The following H2BC4 variants were observed in gnomAD, a reference collection of about 807,000 sequenced individuals.
H2BC4 encodes histone H2B type 1-C/E/F/G/I.
In H2BC4, 10 loss-of-function variants were observed where a neutral mutation model predicts 6.2. The observed-to-expected ratio is 1.61, with a 90% CI of 0.99 to 2.73. The LOEUF (loss-of-function observed/expected upper bound fraction) is 2.73, where lower values mean the gene tolerates loss of function less well. Ranked by LOEUF, H2BC4 falls within the 30% of genes most tolerant of loss-of-function variation. H2BC4 has a pLI of 0.00. For synonymous variants in H2BC4, 146 were observed against 70.7 expected, an observed-to-expected ratio of 2.07 and a Z score of -5.35; for missense variants, 176 against 168.7, an observed-to-expected ratio of 1.04 and a Z score of -0.24.
downstream of H2BC4, among the ~76,000 whole-genome samples, chr6:26,119,434 A>G (rs913960481): frequency 1.3e-5 from 2 of 152,204 alleles, no homozygotes; most frequent in African/African-American, 2.4e-5. Context: ...AATTTACTCA[A>G]TTTAATAATA....
downstream of H2BC4, chr6:26,123,332 C>A: frequency 1.0e-6 from 1 of 1,001,978 alleles, no homozygotes; most frequent in Non-Finnish European, 1.4e-6. Flanking sequence ...TGGCTGGCTT[C>A]TTTCGGGTTC....
chr6:26,123,420 C>T (rs549225831), downstream of H2BC4: 5,336 of 1,546,474 alleles, frequency 3.5e-3, 20 homozygotes, highest in Non-Finnish European at 4.2e-3. Flanking sequence ...ACCCCTCCGC[C>T]GCCAAATAAA....
At position 26,123,832 on chromosome 6, in the gene H2BC4, T is replaced by G. The variant is rs1236233582; in HGVS notation, c.73A>C (p.Lys25Gln). 6.2e-7 allele frequency: 1 copy of G among 1,614,248 alleles called. No homozygotes were observed. ...CTGCGCTTGCGCTTCTTGCCATCTT[T>G]CTTCTGCGCTTTGGTCACTGCCTTC... ...SKKAVTKAQK[K>Q]DGKKRKRSRK... Residue 25 changes from lysine to glutamine, a missense_variant, in exon 1 of 1, where the codon AAA (lysine) becomes CAA (glutamine). Lys to Gln is a moderately conservative substitution (Grantham distance 53). Transcript: ENST00000396984.
At chr6:26,119,814 A>AT (rs11404816), downstream of H2BC4, among the ~76,000 whole-genome samples, 94,270 of 151,552 alleles carry the variant, frequency 0.62, 29,765 homozygotes, top group Non-Finnish European at 0.66. Flanking sequence ...TGTCCAAAAA[A>AT]AATCTTGATT....
intron 1 of H2BC4, among the ~76,000 whole-genome samples, chr6:26,117,127 T>C (rs1345553558): frequency 6.6e-6 from 1 of 152,178 alleles, no homozygotes. Context: ...AGTGTATTTT[T>C]TCTCAACCTG....
chr6:26,117,321 T>G (rs1450409953), intron 1 of H2BC4, among the ~76,000 whole-genome samples: 2 of 152,188 alleles, frequency 1.3e-5, no homozygotes, highest in African/African-American at 4.8e-5. Flanking sequence ...ACACAGTGGT[T>G]TATATGCATT....
At chr6:26,113,319 T>C (rs1763382731), downstream of H2BC4, among the ~76,000 whole-genome samples, 3 of 152,258 alleles carry the variant, frequency 2.0e-5, no homozygotes, top group African/African-American at 7.2e-5. Flanking sequence ...GTGGTAAACA[T>C]AGTTTTCTAC....
At chr6:26,113,949 C>T (rs1314083198), downstream of H2BC4, among the ~76,000 whole-genome samples, 3 of 151,798 alleles carry the variant, frequency 2.0e-5, no homozygotes, top group Non-Finnish European at 4.4e-5. Flanking sequence ...CCAATCCTAT[C>T]CAGTTAGGAA....
downstream of H2BC4, among the ~76,000 whole-genome samples, chr6:26,114,332 C>T (rs2113792660): frequency 6.6e-6 from 1 of 152,092 alleles, no homozygotes; most frequent in South Asian, 2.1e-4. Flanking sequence ...TCATGGCTAA[C>T]AAGAAACATG....
rs752759673 is a variant in H2BC4 at position 26,123,660 on chromosome 6, G to T, written c.245C>A (p.Ala82Glu). The T allele has an allele frequency of 1.2e-5, 20 of 1,614,134 alleles. No homozygotes were observed. The highest frequency in any genetic ancestry group is 1.7e-5 in the Admixed American group (1 of 60,014). The change falls in exon 1 of 1, where the codon GCG becomes GAG. Residue 82 changes from alanine to glutamate, a missense_variant. By Grantham distance (107) the Ala-to-Glu change is moderately radical. Transcript: ENST00000396984. The part of the protein sequence containing the change: ...ERIAGEASRL[A>E]HYNKRSTITS... ...GATGGTCGAGCGCTTGTTGTAATGC[G>T]CCAGGCGGGAAGCCTCGCCCGCGAT...
intron 1 of H2BC4, among the ~76,000 whole-genome samples, chr6:26,117,879 T>C (rs1763444908): frequency 6.6e-6 from 1 of 152,220 alleles, no homozygotes. Context: ...TCTCTTCTTG[T>C]ATAAACCAAG....
At chr6:26,120,623 C>T (rs565021830), downstream of H2BC4, among the ~76,000 whole-genome samples, 24 of 152,256 alleles carry the variant, frequency 1.6e-4, no homozygotes, top group African/African-American at 4.6e-4. Flanking sequence ...GGTGGCACCA[C>T]TGCTGAGAAT....
At chr6:26,122,298 T>C (rs1763509491), downstream of H2BC4, among the ~76,000 whole-genome samples, 1 of 152,210 alleles carries the variant, frequency 6.6e-6, no homozygotes, top group African/African-American at 2.4e-5. Context: ...AATTACATGG[T>C]ATTTAAGTTT....
downstream of H2BC4, among the ~76,000 whole-genome samples, chr6:26,113,214 G>A (rs770368508): frequency 1.6e-4 from 24 of 152,184 alleles, no homozygotes; most frequent in Non-Finnish European, 3.2e-4. Context: ...CCAATTTACA[G>A]TCTATCAGCA....
chr6:26,122,284 C>A (rs777442605), downstream of H2BC4, among the ~76,000 whole-genome samples: 2 of 152,012 alleles, frequency 1.3e-5, no homozygotes, highest in Non-Finnish European at 2.9e-5. Context: ...ATAACTGTAA[C>A]CTAAATTACA....
chr6:26,123,289 A>T (rs532539925), downstream of H2BC4: 152 of 684,040 alleles, frequency 2.2e-4, 1 homozygote, highest in South Asian at 7.4e-4. Context: ...TTTAAATTTA[A>T]GCACAACGAA....
At chr6:26,114,483 T>C (rs1763395375), downstream of H2BC4, among the ~76,000 whole-genome samples, 1 of 152,190 alleles carries the variant, frequency 6.6e-6, no homozygotes, top group South Asian at 2.1e-4. Flanking sequence ...TCCATATTAT[T>C]TTGGGATTAT....
downstream of H2BC4, among the ~76,000 whole-genome samples, chr6:26,119,805 G>A (rs1763475243): frequency 1.1e-5 from 1 of 90,226 alleles, no homozygotes; most frequent in Non-Finnish European, 2.6e-5. Context: ...AAGCCAATTT[G>A]TCCAAAAAAA....
At chr6:26,117,207 T>A (rs1273902660) in intron 1 of H2BC4, among the ~76,000 whole-genome samples, 6 of 152,196 alleles carry the variant, frequency 3.9e-5, no homozygotes, top group Non-Finnish European at 8.8e-5. Context: ...ATTCTTATAA[T>A]TTATAGAAGG....
Sources: allele counts gnomAD v4.1 joint callset (sites outside exome capture counted in the v4.1 genomes callset), GRCh38; gene constraint gnomAD v4.1.1; transcripts MANE v1.5; gene names NCBI Gene and HGNC (gene_info 2026-07-23, HGNC 2026-07-21).